MARK4: variants seen among roughly 807,000 people sequenced by gnomAD.
MARK4 encodes the protein MAP/microtubule affinity-regulating kinase 4.
In MARK4, 19 loss-of-function variants were observed where a neutral mutation model predicts 81.5. The ratio of observed to expected loss-of-function variants is 0.23; its 90% CI spans 0.16 to 0.34. The LOEUF is 0.34. MARK4 is among the 10% of genes least tolerant of loss of function. The pLI is 1.00. For missense variants in MARK4, 772 were observed against 1,058.8 expected, an observed-to-expected ratio of 0.73 and a Z score of 3.76; for synonymous variants, 436 against 439.0, an observed-to-expected ratio of 0.99 and a Z score of 0.08.
intron 8 of MARK4, among the ~76,000 whole-genome samples, chr19:45,276,129 C>T (rs547999382): frequency 2.6e-5 from 4 of 152,248 alleles, no homozygotes; most frequent in African/African-American, 9.6e-5. Flanking sequence ...CGGGCTCAAG[C>T]AATCCTCCTG....
intron 12 of MARK4, among the ~76,000 whole-genome samples, chr19:45,282,229 T>TAA (rs767436315): frequency 2.5e-5 from 3 of 117,872 alleles, no homozygotes; most frequent in Non-Finnish European, 3.7e-5. Context: ...TCAAAAAAAT[T>TAA]AAAAAAAAAA....
At chr19:45,286,994 C>T (rs1752333590) in intron 12 of MARK4, among the ~76,000 whole-genome samples, 1 of 151,852 alleles carries the variant, frequency 6.6e-6, no homozygotes, top group South Asian at 2.1e-4. Context: ...GTGGAAATAC[C>T]TTGACTTATC....
rs1009737933 is a variant in MARK4 at position 45,292,546 on chromosome 19, TAAG to T, written c.1495-1799_1495-1797del. ...TTATTGCTAAACGAAACCCACACCT[TAAG>T]AAGGTAAAAAAGGAAAAGCAAATAA... On this transcript the variant is annotated intron_variant, in intron 13 of 16. Coordinates refer to ENST00000262891, the MANE Select transcript of MARK4 (RefSeq NM_001199867.2). Among the ~76,000 whole-genome samples the T allele has an allele frequency of 1.3e-5, 2 of 151,934 alleles. 1 individual carries two copies. Among genetic ancestry groups the T allele is most frequent in the South Asian group, 4.2e-4 (2 of 4,818 alleles).
At position 45,271,462 on chromosome 19, in the gene MARK4, C is replaced by T. The variant is rs1407402560; in HGVS notation, c.550-10C>T. 1.2e-6 allele frequency: 2 copies of T among 1,613,340 alleles called. No homozygotes were observed. The highest frequency in any genetic ancestry group is 2.2e-5 in the East Asian group (1 of 44,882). On this transcript the variant is annotated splice_polypyrimidine_tract_variant and intron_variant, in intron 7 of 16. Coordinates refer to ENST00000262891, the MANE Select transcript of MARK4 (RefSeq NM_001199867.2). The surrounding 1 kb of genome is among the most constrained non-coding windows in gnomAD (Gnocchi z 4.1). The stretch of plus-strand genomic sequence containing the variant: ...GTCCCACTTTCCGCCCTCTCCTTCT[C>T]TCCCTGCAGGCTGAGAACCTCTTGC...
At chr19:45,268,861 A>G (rs1412579828) in intron 7 of MARK4, among the ~76,000 whole-genome samples, 2 of 152,186 alleles carry the variant, frequency 1.3e-5, no homozygotes, top group Non-Finnish European at 2.9e-5. Flanking sequence ...CCCTCTCTTC[A>G]CTTCCTTCCA....
At chr19:45,252,146 C>T (rs1477735591) in intron 1 of MARK4, among the ~76,000 whole-genome samples, 1 of 152,014 alleles carries the variant, frequency 6.6e-6, no homozygotes, top group Non-Finnish European at 1.5e-5. Flanking sequence ...ATTCCCAGCC[C>T]TCTGCCCCTC....
chr19:45,264,158 C>T (rs374645538), intron 4 of MARK4, among the ~76,000 whole-genome samples: 1 of 152,058 alleles, frequency 6.6e-6, no homozygotes, highest in African/African-American at 2.4e-5. Context: ...GGGAAGACAA[C>T]AAGACACAAA....
chr19:45,298,132 T>C (rs1166828437), intron 15 of MARK4, 178 bp downstream of exon 15: 2 of 1,613,246 alleles, frequency 1.2e-6, no homozygotes, highest in African/African-American at 1.3e-5. Flanking sequence ...ACCTCCCTCC[T>C]CACACTGCAG....
chr19:45,283,151 C>T (rs746697650), intron 12 of MARK4, among the ~76,000 whole-genome samples: 2 of 151,862 alleles, frequency 1.3e-5, no homozygotes, highest in East Asian at 1.9e-4. Flanking sequence ...GGCTCATGCC[C>T]GTAATCCTAG....
intron 16 of MARK4, among the ~76,000 whole-genome samples, chr19:45,301,430 G>A (rs1970970446): frequency 6.6e-6 from 1 of 151,966 alleles, no homozygotes; most frequent in Non-Finnish European, 1.5e-5. Flanking sequence ...TGGCCGTGGT[G>A]CCTGTTCTCC....
intron 12 of MARK4, among the ~76,000 whole-genome samples, chr19:45,280,992 T>TA (rs1446331762): frequency 5.9e-5 from 9 of 151,926 alleles, no homozygotes; most frequent in African/African-American, 2.2e-4. Flanking sequence ...CCTCTCTGCT[T>TA]GTGTGGTTTT....
chr19:45,264,649 T>A (rs1189368196), intron 4 of MARK4, 35 bp from the exon 5 acceptor site: 1 of 1,603,752 alleles, frequency 6.2e-7, no homozygotes, highest in South Asian at 1.1e-5. Context: ...GGGCCCTTTC[T>A]CCCTAATGCC....
chr19:45,277,245 T>C (rs1309129777), intron 8 of MARK4, among the ~76,000 whole-genome samples: 3 of 151,212 alleles, frequency 2.0e-5, no homozygotes, highest in Non-Finnish European at 4.4e-5. Context: ...ACCCAGCTAA[T>C]TTTTGTATTT....
Position 45,280,442 on chromosome 19 carries a change from G to A in MARK4, c.1075G>A (p.Glu359Lys). The A allele has an allele frequency of 1.2e-6, 2 of 1,614,160 alleles. No homozygotes were observed. The highest frequency in any genetic ancestry group is 1.7e-6 in the Non-Finnish European group (2 of 1,180,018). The change falls in exon 11 of 17, where the codon GAA (glutamate) becomes AAA (lysine). Residue 359 changes from glutamate (E) to lysine (K), a missense_variant. Around this residue, in one of 3 missense-constraint regions of MARK4, gnomAD observed 548 missense variants for 624.3 expected, o/e 0.88. Transcript: ENST00000262891. ...GTCCTTGACCAGCCAGAAGTACAACGAAGTGACCGCCACCTACCTCCTGCT... is the reference window on the plus strand; with the variant it reads ...GTCCTTGACCAGCCAGAAGTACAACAAAGTGACCGCCACCTACCTCCTGCT... ...KESLTSQKYN[E>K]VTATYLLLGR...
intron 13 of MARK4, among the ~76,000 whole-genome samples, chr19:45,290,565 G>C (rs1187840721): frequency 6.6e-6 from 1 of 152,248 alleles, no homozygotes; most frequent in Non-Finnish European, 1.5e-5. Context: ...AGCCTTGACT[G>C]GCCGTGACAA....
intron 12 of MARK4, among the ~76,000 whole-genome samples, chr19:45,282,337 A>G (rs186905145): frequency 2.0e-5 from 3 of 151,458 alleles, no homozygotes; most frequent in Admixed American, 6.6e-5. Context: ...CCTCTCTTCT[A>G]TTTTTTTTAA....
intron 10 of MARK4, among the ~76,000 whole-genome samples, chr19:45,279,829 G>A (rs1970648520): frequency 6.6e-6 from 1 of 152,202 alleles, no homozygotes; most frequent in Admixed American, 6.6e-5. Context: ...GAGGCAAGCA[G>A]ATCTGGGTCA....
Position 45,258,966 on chromosome 19 carries a change from C to T in MARK4, c.52-23C>T, listed in dbSNP as rs777028457. The T allele has an allele frequency of 5.0e-6, 8 of 1,608,486 alleles. No homozygotes were observed. The Admixed American group carries it at 5.0e-5, about 10-fold the overall frequency. Reference sequence around the variant, plus strand: ...CCACGGAAGGTGGGATTGGATAGCTCATGCTCCATCTCCCCCGCCCAGCAT... The same window carrying T: ...CCACGGAAGGTGGGATTGGATAGCTTATGCTCCATCTCCCCCGCCCAGCAT... On this transcript the variant is annotated intron_variant, in intron 1 of 16. Transcript: ENST00000262891.
At position 45,302,494 on chromosome 19, in the gene MARK4, A is replaced by T. The variant is rs770001144; in HGVS notation, c.2043A>T (p.Thr681=). The T allele has an allele frequency of 6.2e-7, 1 of 1,607,606 alleles. No homozygotes were observed. Among genetic ancestry groups the T allele is most frequent in the Non-Finnish European group, 8.5e-7 (1 of 1,179,226 alleles). The change falls in exon 17 of 17, where the codon ACA becomes ACT. Residue 681 remains threonine, a synonymous_variant. Transcript: ENST00000262891. The surrounding 1 kb of genome is among the most constrained non-coding windows in gnomAD (Gnocchi z 4.9). ...TGATGGCAGCTCTGCGCCAGGCCACAGCAGCCGCCCGCTGCCGCTGCCGCC... is the reference window on the plus strand; with the variant it reads ...TGATGGCAGCTCTGCGCCAGGCCACTGCAGCCGCCCGCTGCCGCTGCCGCC... ...EALMAALRQA[T]AAARCRCRQP...
Sources: allele counts gnomAD v4.1 joint callset (sites outside exome capture counted in the v4.1 genomes callset), GRCh38; gene constraint gnomAD v4.1.1; regional missense constraint gnomAD v4.1.1; non-coding constraint Gnocchi (gnomAD v3.1); transcripts MANE v1.5; gene names NCBI Gene and HGNC (gene_info 2026-07-23, HGNC 2026-07-21).